The following COL4A6 variants were observed in gnomAD, a reference collection of about 807,000 sequenced individuals.
COL4A6 encodes the protein collagen alpha-6(IV) chain.
COL4A6 carries 59 observed loss-of-function variants against 126.7 expected under a neutral mutation model. The observed-to-expected ratio is 0.47, with a 90% CI of 0.38 to 0.58. The LOEUF is 0.58. Among genes scored for constraint, COL4A6 ranks in the 20% least tolerant of loss-of-function variants. COL4A6 has a pLI of 0.00. For synonymous variants in COL4A6, 547 were observed against 496.6 expected (o/e 1.10, Z -1.35); for missense variants, 1,285 against 1,337.3 (o/e 0.96, Z 0.61).
chrX:108,422,865 C>G (rs909073050), intron 2 of COL4A6, among the ~76,000 whole-genome samples: 2 of 111,307 alleles, frequency 1.8e-5, no homozygotes, highest in African/African-American at 6.5e-5. Flanking sequence ...GACCATTGTG[C>G]CTTCCATTCT....
intron 3 of COL4A6, among the ~76,000 whole-genome samples, chrX:108,283,135 CTT>C (rs2037896752): frequency 9.3e-6 from 1 of 107,242 alleles, no homozygotes; most frequent in African/African-American, 3.4e-5. Context: ...TACCCTAAAA[CTT>C]AAAGTATAAT....
intron 2 of COL4A6, among the ~76,000 whole-genome samples, chrX:108,312,935 A>C (rs1231569201): frequency 9.0e-6 from 1 of 111,719 alleles, no homozygotes; most frequent in East Asian, 2.8e-4. Context: ...CAGGGAAAAA[A>C]AAAACAATAG....
rs201374949 is a variant in COL4A6, at chrX:108,428,814, GA to G, written c.63+9127del. ...AAAAGAAAAATATAATATCTGAAAT[GA>G]AAAAAAACACACAGGTGGTGTTAAT... On this transcript the variant is annotated intron_variant, in intron 2 of 44. Coordinates refer to ENST00000334504, the MANE Select transcript of COL4A6 (RefSeq NM_033641.4). Among the ~76,000 whole-genome samples, 704 of 110,761 alleles carry G rather than the reference GA, an allele frequency of 6.4e-3. 2 individuals carry two copies. The highest frequency in any genetic ancestry group is 0.038 in the East Asian group (136 of 3,536).
At chrX:108,280,368 C>G (rs749143673) in intron 3 of COL4A6, among the ~76,000 whole-genome samples, 4 of 111,932 alleles carry the variant, frequency 3.6e-5, no homozygotes, top group African/African-American at 1.3e-4. Context: ...ACAAACACCT[C>G]TACGCAAATA....
At position 108,377,389 on chromosome X, in the gene COL4A6, CT is replaced by C. The variant is rs977886430; in HGVS notation, c.63+60552del. 4.2e-3 allele frequency among the ~76,000 whole-genome samples: 406 copies of C among 97,253 alleles called. 1 individual carries two copies. Among genetic ancestry groups the C allele is most frequent in the African/African-American group, 8.6e-3 (229 of 26,609 alleles). 84.5% of individuals were successfully genotyped at this position (97,253 alleles called of 115,157 possible). On this transcript the variant is annotated intron_variant, in intron 2 of 44. Transcript: ENST00000334504. ...CAACTGCAAAGAGGTCTTCCTCTTT[CT>C]TTTTTTTTTTTATGTGAAAAGAATT...
intron 2 of COL4A6, among the ~76,000 whole-genome samples, chrX:108,340,025 C>G (rs758677360): frequency 9.0e-6 from 1 of 111,721 alleles, no homozygotes; most frequent in South Asian, 3.7e-4. Context: ...AGCTCTTCTT[C>G]CTGGAACTCA....
chrX:108,388,903 T>C (rs1288653962), intron 2 of COL4A6, among the ~76,000 whole-genome samples: 1 of 112,040 alleles, frequency 8.9e-6, no homozygotes, highest in Non-Finnish European at 1.9e-5. Context: ...CCAGTGATTC[T>C]GGTATGTTGT....
intron 2 of COL4A6, among the ~76,000 whole-genome samples, chrX:108,363,729 T>G (rs937222231): frequency 1.1e-4 from 12 of 112,502 alleles, no homozygotes; most frequent in African/African-American, 3.9e-4. Flanking sequence ...TGGGTTTGGA[T>G]GACGTAATAA....
At chrX:108,403,873 T>G (rs1173787733) in intron 2 of COL4A6, among the ~76,000 whole-genome samples, 2 of 111,846 alleles carry the variant, frequency 1.8e-5, no homozygotes, top group African/African-American at 3.2e-5. Flanking sequence ...ACTGTATATC[T>G]AAATTGGGGA....
chrX:108,216,360 C>T (rs908166553), intron 5 of COL4A6, among the ~76,000 whole-genome samples: 2 of 111,934 alleles, frequency 1.8e-5, no homozygotes, highest in African/African-American at 6.5e-5. Context: ...TTTCCCTTCC[C>T]CAGCTTGAGC....
chrX:108,274,119 T>C (rs1463516963), intron 3 of COL4A6, among the ~76,000 whole-genome samples: 3 of 111,326 alleles, frequency 2.7e-5, no homozygotes, highest in African/African-American at 9.8e-5. Context: ...ATTAATTAGG[T>C]ATGATGAGGT....
At chrX:108,330,726 A>AT (rs1451322174) in intron 2 of COL4A6, among the ~76,000 whole-genome samples, 1 of 111,243 alleles carries the variant, frequency 9.0e-6, no homozygotes, top group Non-Finnish European at 1.9e-5. Flanking sequence ...CTCCACAGCT[A>AT]TACCAAGTAA....
chrX:108,417,335 G>T (rs2041453911), intron 2 of COL4A6, among the ~76,000 whole-genome samples: 1 of 111,633 alleles, frequency 9.0e-6, no homozygotes, highest in Non-Finnish European at 1.9e-5. Flanking sequence ...TGTAAATAAG[G>T]TTCTTAGTAC....
chrX:108,168,653 G>C (rs1433456524), intron 37 of COL4A6, among the ~76,000 whole-genome samples: 1 of 111,940 alleles, frequency 8.9e-6, no homozygotes, highest in East Asian at 2.8e-4. Flanking sequence ...CTATGAGGTA[G>C]GTTCTGTTAT....
chrX:108,277,586 A>G (rs2037648855), intron 3 of COL4A6, among the ~76,000 whole-genome samples: 1 of 112,390 alleles, frequency 8.9e-6, no homozygotes, highest in Admixed American at 9.4e-5. Flanking sequence ...AAAAGACAGC[A>G]GTAACCTCTG....
intron 2 of COL4A6, among the ~76,000 whole-genome samples, chrX:108,367,344 A>C (rs752870832): frequency 1.8e-5 from 2 of 111,722 alleles, no homozygotes; most frequent in South Asian, 7.6e-4. Flanking sequence ...CTGGTCCCAG[A>C]GTAGGTGCTC....
chrX:108,436,070 T>C (rs1287210656), intron 2 of COL4A6, among the ~76,000 whole-genome samples: 4 of 112,049 alleles, frequency 3.6e-5, no homozygotes, highest in Admixed American at 9.5e-5. Context: ...TGATAACTTA[T>C]TCTGTGACTG....
chrX:108,313,556 G>T (rs1023405079), intron 2 of COL4A6, among the ~76,000 whole-genome samples: 2 of 110,936 alleles, frequency 1.8e-5, no homozygotes, highest in African/African-American at 6.6e-5. Context: ...CAACGTGCAG[G>T]TTTGTTACAT....
At chrX:108,368,247 A>T (rs868327060) in intron 2 of COL4A6, among the ~76,000 whole-genome samples, 1 of 110,099 alleles carries the variant, frequency 9.1e-6, no homozygotes, top group East Asian at 2.8e-4. Context: ...CCCATATAGC[A>T]GTAAGTGAAT....
Sources: allele counts gnomAD v4.1 joint callset (sites outside exome capture counted in the v4.1 genomes callset), GRCh38; gene constraint gnomAD v4.1.1; transcripts MANE v1.5; gene names NCBI Gene and HGNC (gene_info 2026-07-23, HGNC 2026-07-21).